OSBPL10: variants seen among roughly 807,000 people sequenced by gnomAD.
OSBPL10 encodes oxysterol binding protein like 10, also known as oxysterol-binding protein-related protein 10.
OSBPL10 carries 49 observed loss-of-function variants against 81.7 expected under a neutral mutation model. The ratio of observed to expected loss-of-function variants is 0.60; its 90% CI spans 0.48 to 0.76. The LOEUF (loss-of-function observed/expected upper bound fraction) is 0.76. Ranked by LOEUF, OSBPL10 falls within the 30% of genes least tolerant of loss-of-function variation. OSBPL10 has a pLI of 0.00. For synonymous variants in OSBPL10, 419 were observed against 383.6 expected, an observed-to-expected ratio of 1.09 and a Z score of -1.08; for missense variants, 923 against 987.8, an observed-to-expected ratio of 0.93 and a Z score of 0.88.
intron 5 of OSBPL10, among the ~76,000 whole-genome samples, chr3:31,745,192 T>C (rs996006640): frequency 5.9e-5 from 9 of 152,222 alleles, no homozygotes; most frequent in Non-Finnish European, 1.3e-4. Context: ...CCAAATTGTT[T>C]TATTTTGCTA....
chr3:31,758,940 C>G lies in OSBPL10; in HGVS notation c.730-10820G>C, dbSNP rs181879490. 2.0e-5 allele frequency among the ~76,000 whole-genome samples: 3 copies of G among 152,328 alleles called. No individual in the cohort carries two copies. In the East Asian group the frequency reaches 5.8e-4, roughly 29 times the overall value. On this transcript the variant is annotated intron_variant, in intron 4 of 11. Coordinates refer to ENST00000396556, the MANE Select transcript of OSBPL10 (RefSeq NM_017784.5). ...CCAGCCTGTCAAAATGGTCACCCTA[C>G]AGGCTGCGGCCGTTTGTGAGAAATA...
chr3:31,990,662 A>T, intron 2 of OSBPL10: 1 of 1,614,216 alleles, frequency 6.2e-7, no homozygotes, highest in Non-Finnish European at 8.5e-7. Flanking sequence ...CTTGCACGTC[A>T]TCATAGACTT....
intron 6 of OSBPL10, among the ~76,000 whole-genome samples, chr3:31,727,934 A>G (rs972145742): frequency 6.6e-6 from 1 of 152,214 alleles, no homozygotes; most frequent in Non-Finnish European, 1.5e-5. Flanking sequence ...TGGCTTGTTA[A>G]GTAGTTCAAA....
At chr3:31,990,261 A>G (rs537469684) in intron 2 of OSBPL10, 1 of 1,614,130 alleles carries the variant, frequency 6.2e-7, no homozygotes, top group Admixed American at 1.7e-5. Context: ...TCCATGGTAT[A>G]GGGAAACTTT....
In OSBPL10 at chr3:32,030,894, G is replaced by A. The variant is rs527931793; in HGVS notation, n.298+15597C>T. Among the ~76,000 whole-genome samples, 304 of 152,222 alleles carry A rather than the reference G, an allele frequency of 2.0e-3. 4 individuals are homozygous for A. Among genetic ancestry groups the A allele is most frequent in the African/African-American group, 6.3e-3 (263 of 41,552 alleles). ...GAAAATAATTGAGGAGGCCGGGCGC[G>A]GTGGCTCACACCTGTAATCCCAGCA... On this transcript the variant is annotated intron_variant and non_coding_transcript_variant, in intron 2 of 3. Coordinates refer to the OSBPL10 transcript ENST00000479173.
intron 4 of OSBPL10, chr3:31,797,884 C>T (rs1172016442): frequency 6.7e-6 from 3 of 447,186 alleles, no homozygotes; most frequent in Admixed American, 2.4e-5. Context: ...GATAAAATAG[C>T]TATGGTTCTT....
Position 31,742,206 on chromosome 3 carries a change from A to G in OSBPL10, c.940+5704T>C, listed in dbSNP as rs976406574. 4.6e-5 allele frequency among the ~76,000 whole-genome samples: 7 copies of G among 152,374 alleles called. 2 individuals carry two copies. The highest frequency in any genetic ancestry group is 2.0e-4 in the Admixed American group (3 of 15,308). On this transcript the variant is annotated intron_variant, in intron 5 of 11. Transcript: ENST00000396556. Reference sequence around the variant, plus strand: ...AGGAAGTCCCTGAGTGGTAGAAAAGAGATGAAAAATACAAGTCTGAAGAGG... The same window carrying G: ...AGGAAGTCCCTGAGTGGTAGAAAAGGGATGAAAAATACAAGTCTGAAGAGG...
At chr3:31,953,014 CCTCCGCCTCCAGGGTTCAAGCAATG>C (rs1389097397) in intron 1 of OSBPL10, among the ~76,000 whole-genome samples, 3 of 149,668 alleles carry the variant, frequency 2.0e-5, no homozygotes, top group Non-Finnish European at 4.4e-5. Flanking sequence ...CTCACTGCAA[CCTCCGCCTCCAGGGTTCAAGCAATG>C]CTCCGCCTCA....
rs375566486 is a variant in OSBPL10, at chr3:31,747,989, G to A, written c.861C>T (p.Ser287=). The A allele has an allele frequency of 4.3e-5, 69 of 1,614,070 alleles. No homozygotes were observed. The highest frequency in any genetic ancestry group is 5.7e-5 in the Non-Finnish European group (67 of 1,180,050). ...LLKATSAATL[S]CLGECLNLLQ... Reference sequence around the variant, plus strand: ...ACAAGTTGAGGCACTCCCCAAGGCAGCTGAGGGTGGCAGCAGAGGTAGCTT... The same window carrying A: ...ACAAGTTGAGGCACTCCCCAAGGCAACTGAGGGTGGCAGCAGAGGTAGCTT... The change falls in exon 5 of 12, where the codon AGC becomes AGT. Residue 287 remains serine (S), a synonymous_variant. Coordinates refer to ENST00000396556, the MANE Select transcript of OSBPL10 (RefSeq NM_017784.5).
intron 4 of OSBPL10, among the ~76,000 whole-genome samples, chr3:31,807,290 T>C (rs779289396): frequency 1.3e-5 from 2 of 152,006 alleles, no homozygotes; most frequent in Non-Finnish European, 2.9e-5. Context: ...TGGGAATTGC[T>C]TGAACCCAGG....
rs1189312588 is a variant in OSBPL10, at chr3:32,050,632, T to C, written n.186-4029A>G. On this transcript the variant is annotated intron_variant and non_coding_transcript_variant, in intron 1 of 3. Transcript: ENST00000479173. Reference sequence around the variant, plus strand: ...AGAAATATTGGCTGTTTGGCCTGGCTAAAGTCAGGTAATAAGAGATACAAA... The same window carrying C: ...AGAAATATTGGCTGTTTGGCCTGGCCAAAGTCAGGTAATAAGAGATACAAA... 3.3e-5 allele frequency among the ~76,000 whole-genome samples: 5 copies of C among 151,652 alleles called. No individual in the cohort carries two copies. In the East Asian group the frequency reaches 5.8e-4, roughly 18 times the overall value.
chr3:31,956,318 T>C (rs1337589773), intron 1 of OSBPL10, among the ~76,000 whole-genome samples: 1 of 152,136 alleles, frequency 6.6e-6, no homozygotes, highest in Non-Finnish European at 1.5e-5. Flanking sequence ...CATCCTACAG[T>C]CCATCAGGTT....
At chr3:32,019,852 GTTC>G (rs1360737762) in intron 2 of OSBPL10, among the ~76,000 whole-genome samples, 2 of 152,112 alleles carry the variant, frequency 1.3e-5, no homozygotes, top group African/African-American at 4.8e-5. Flanking sequence ...TAGTTTCTTT[GTTC>G]TTTATTTCTA....
At chr3:31,837,364 T>C (rs1294425456) in intron 3 of OSBPL10, among the ~76,000 whole-genome samples, 2 of 30,290 alleles carry the variant, frequency 6.6e-5, no homozygotes, top group Non-Finnish European at 7.5e-5. Flanking sequence ...TATATATATA[T>C]ATATATATAT....
rs538678327 is a variant in OSBPL10, at chr3:31,802,456, C to T, written c.729+27584G>A. On this transcript the variant is annotated intron_variant, in intron 4 of 11. Coordinates refer to ENST00000396556, the MANE Select transcript of OSBPL10 (RefSeq NM_017784.5). ...TGGCGGGCACCTGTAATCCCAGGAA[C>T]TTAGGAGGCTGAGGCAGGAGAATCA... is the stretch of plus-strand genomic sequence containing the variant. 8.9e-5 allele frequency among the ~76,000 whole-genome samples: 13 copies of T among 146,318 alleles called. No homozygotes were observed. The South Asian group carries it at 2.0e-3, about 22-fold the overall frequency.
chr3:31,976,299 C>T (rs567637542), intron 1 of OSBPL10, among the ~76,000 whole-genome samples: 17 of 152,182 alleles, frequency 1.1e-4, no homozygotes, highest in Non-Finnish European at 1.2e-4. Flanking sequence ...TTAATCTTCA[C>T]ATTGAACTAA....
At position 31,860,780 on chromosome 3, in the gene OSBPL10, A is replaced by G. The variant is rs534018199; in HGVS notation, c.537+15653T>C. Among the ~76,000 whole-genome samples the G allele has an allele frequency of 4.0e-5, 6 of 151,512 alleles. No individual in the cohort carries two copies. In the South Asian group the frequency reaches 1.3e-3, roughly 32 times the overall value. Reference sequence around the variant, plus strand: ...AGCCTCCGTCTCCTGGGTTCAAGCAATTCTCCTGCCTCAGCCTCCTGAGTA... The same window carrying G: ...AGCCTCCGTCTCCTGGGTTCAAGCAGTTCTCCTGCCTCAGCCTCCTGAGTA... On this transcript the variant is annotated intron_variant, in intron 3 of 11. Coordinates refer to ENST00000396556, the MANE Select transcript of OSBPL10 (RefSeq NM_017784.5).
At chr3:31,767,692 G>A (rs1271843672) in intron 4 of OSBPL10, among the ~76,000 whole-genome samples, 1 of 152,200 alleles carries the variant, frequency 6.6e-6, no homozygotes, top group East Asian at 1.9e-4. Flanking sequence ...CCTGGCTAGT[G>A]CAAGGTGACC....
chr3:31,950,131 GAAGT>G (rs1275297085), intron 1 of OSBPL10, among the ~76,000 whole-genome samples: 1 of 152,166 alleles, frequency 6.6e-6, no homozygotes, highest in Non-Finnish European at 1.5e-5. Context: ...ATATGGAAAA[GAAGT>G]AAGAACTTGT....
Sources: allele counts gnomAD v4.1 joint callset (sites outside exome capture counted in the v4.1 genomes callset), GRCh38; gene constraint gnomAD v4.1.1; transcripts MANE v1.5; gene names NCBI Gene and HGNC (gene_info 2026-07-23, HGNC 2026-07-21).